Variants in RASL12 observed in about 807,000 individuals in gnomAD.
RASL12 encodes ras-like protein family member 12.
Under a neutral mutation model 22.9 loss-of-function variants are expected in RASL12, and 16 were observed. The ratio of observed to expected loss-of-function variants is 0.70; its 90% CI spans 0.47 to 1.06. The LOEUF (loss-of-function observed/expected upper bound fraction) is 1.06, where lower values mean the gene tolerates loss of function less well. RASL12 is among the 50% of genes least tolerant of loss of function. The pLI is 0.00. For synonymous variants in RASL12, 159 were observed against 152.2 expected (o/e 1.04, Z -0.33); for missense variants, 306 against 353.1 (o/e 0.87, Z 1.07).
At chr15:65,053,054 A>G, downstream of RASL12, 1 of 1,614,112 alleles carries the variant, frequency 6.2e-7, no homozygotes. Context: ...AAACAACCTA[A>G]GAGAAACTTT....
chr15:65,048,581 T>C (rs747419482), downstream of RASL12, among the ~76,000 whole-genome samples: 2 of 152,254 alleles, frequency 1.3e-5, no homozygotes, highest in African/African-American at 2.4e-5. Flanking sequence ...TGGTGCCCTA[T>C]GGCATGTTTT....
chr15:65,068,028 C>A (rs1019404278), upstream of RASL12: 31 of 1,124,174 alleles, frequency 2.8e-5, no homozygotes, highest in Non-Finnish European at 3.4e-5. This position sits in a 1 kb window ranked among gnomAD's most constrained non-coding sequence, Gnocchi z 4.2. Context: ...TGGAGCCTGG[C>A]GGGCGGGGCC....
intron 2 of RASL12, among the ~76,000 whole-genome samples, chr15:65,064,464 A>G (rs1211719171): frequency 6.6e-6 from 1 of 152,226 alleles, no homozygotes; most frequent in Non-Finnish European, 1.5e-5. Context: ...GATGAAAACA[A>G]CAGTTGTTTT....
At chr15:65,056,654 G>C (rs930462423) in intron 4 of RASL12, among the ~76,000 whole-genome samples, 2 of 152,096 alleles carry the variant, frequency 1.3e-5, no homozygotes, top group African/African-American at 4.8e-5. Flanking sequence ...TTGCATCCTA[G>C]GGAAAATTTT....
chr15:65,054,485 T>C lies in RASL12; in HGVS notation c.*414A>G, dbSNP rs2086699499. The C allele has an allele frequency of 3.3e-5, 33 of 999,552 alleles. No homozygotes were observed. Among genetic ancestry groups the C allele is most frequent in the Admixed American group, 5.7e-5 (1 of 17,494 alleles). 61.9% of individuals were successfully genotyped at this position (999,552 alleles called of 1,614,324 possible). On this transcript the variant is annotated 3_prime_UTR_variant, in exon 5 of 5. Transcript: ENST00000220062. ...GTGGCACAAGGACCCCAGGCTGTCA[T>C]TCCGCAGGCTGTTCTCGGGCCTGAC...
At chr15:65,066,940 T>C (rs1246445609) in intron 1 of RASL12, among the ~76,000 whole-genome samples, 1 of 152,180 alleles carries the variant, frequency 6.6e-6, no homozygotes, top group Non-Finnish European at 1.5e-5. Context: ...AGGAGTGGCA[T>C]AGTTCAGTGT....
chr15:65,066,616 T>C (rs2086882290), intron 1 of RASL12, among the ~76,000 whole-genome samples: 1 of 152,216 alleles, frequency 6.6e-6, no homozygotes, highest in Non-Finnish European at 1.5e-5. Context: ...TATTTTAAAA[T>C]TTAAATTCTT....
At chr15:65,069,516 A>C (rs569351629), upstream of RASL12, among the ~76,000 whole-genome samples, 2 of 152,244 alleles carry the variant, frequency 1.3e-5, no homozygotes, top group East Asian at 1.9e-4. Context: ...GCCCAACTGC[A>C]TGTAAACTTA....
At chr15:65,066,959 A>AT (rs2086885413) in intron 1 of RASL12, among the ~76,000 whole-genome samples, 2 of 152,320 alleles carry the variant, frequency 1.3e-5, no homozygotes, top group South Asian at 2.1e-4. Context: ...GTTGACACAA[A>AT]TTATCTCAAT....
chr15:65,063,815 G>C (rs1345687537), intron 2 of RASL12, among the ~76,000 whole-genome samples: 1 of 152,212 alleles, frequency 6.6e-6, no homozygotes, highest in Non-Finnish European at 1.5e-5. Context: ...CTGGACTCCA[G>C]CCTGAACTAA....
In RASL12 at chr15:65,073,224, G is replaced by A. The variant is rs150972015; in HGVS notation, c.70+3305C>T. On this transcript the variant is annotated intron_variant, in intron 1 of 4. Transcript: ENST00000434605. The stretch of plus-strand genomic sequence containing the variant: ...CAGACAGCGGAGGGGAGATGGTTTC[G>A]GAATTATTCAAGCGTATTACATTTA... Among the ~76,000 whole-genome samples, 32 of 152,194 alleles carry A rather than the reference G, an allele frequency of 2.1e-4. No homozygotes were observed. In the East Asian group the frequency reaches 2.5e-3, roughly 12 times the overall value.
chr15:65,062,382 C>T (rs1332291546), intron 2 of RASL12, among the ~76,000 whole-genome samples: 2 of 152,206 alleles, frequency 1.3e-5, no homozygotes, highest in African/African-American at 2.4e-5. Flanking sequence ...GCTCAGAGGG[C>T]CCCATGCCAC....
intron 1 of RASL12, among the ~76,000 whole-genome samples, chr15:65,066,354 A>T (rs2086879383): frequency 6.6e-6 from 1 of 152,120 alleles, no homozygotes; most frequent in African/African-American, 2.4e-5. Context: ...TGTTATCTCT[A>T]AAAAAATTGA....
In RASL12 at chr15:65,067,891, C is replaced by T; in HGVS notation, c.-56G>A. The T allele has an allele frequency of 7.2e-7, 1 of 1,379,612 alleles. No individual in the cohort carries two copies. Among genetic ancestry groups the T allele is most frequent in the Non-Finnish European group, 9.3e-7 (1 of 1,072,234 alleles). The allele number at this position is 1,379,612 out of a possible 1,614,324, so 85.5% of individuals were successfully genotyped here. A position where few individuals can be genotyped will look rare whatever the true frequency, so the allele number is the denominator to read the frequency against. ...CGGCCGGTGGGCCCCGCGCAGTGCGCCCGCCCGTCGGGGCCCAGGGGAGCG... is the reference window on the plus strand; with the variant it reads ...CGGCCGGTGGGCCCCGCGCAGTGCGTCCGCCCGTCGGGGCCCAGGGGAGCG... On this transcript the variant is annotated 5_prime_UTR_variant, in exon 1 of 5. Coordinates refer to ENST00000220062, the MANE Select transcript of RASL12 (RefSeq NM_016563.4).
In RASL12 at chr15:65,054,225, C is replaced by T. The variant is rs2086696227; in HGVS notation, c.*674G>A. 2.0e-6 allele frequency: 2 copies of T among 985,840 alleles called. No individual in the cohort carries two copies. Among genetic ancestry groups the T allele is most frequent in the Non-Finnish European group, 2.4e-6 (2 of 830,010 alleles). The allele number at this position is 985,840 out of a possible 1,614,324, so 61.1% of individuals were successfully genotyped here. A position where few individuals can be genotyped will look rare whatever the true frequency, so the allele number is the denominator to read the frequency against. ...GAGAATCTGTCTGCTGGTGAAAGAA[C>T]TCTGGGGCTCCTTATGCTGGACAAC... On this transcript the variant is annotated 3_prime_UTR_variant, in exon 5 of 5. Transcript: ENST00000220062.
Position 65,056,047 on chromosome 15 carries a change from T to C in RASL12, c.426-773A>G, listed in dbSNP as rs1566953076. On this transcript the variant is annotated intron_variant, in intron 4 of 4. Transcript: ENST00000220062. ...AACTTGGGAAGGTCCTGGAGGCTTC[T>C]GACCTGAAAGCCATGGGAATCGAGG... 2.0e-5 allele frequency among the ~76,000 whole-genome samples: 3 copies of C among 152,204 alleles called. No individual in the cohort carries two copies. The South Asian group carries it at 6.2e-4, about 32-fold the overall frequency.
downstream of RASL12, among the ~76,000 whole-genome samples, chr15:65,052,150 G>A (rs2086662031): frequency 6.6e-6 from 1 of 152,166 alleles, no homozygotes; most frequent in Non-Finnish European, 1.5e-5. Context: ...GGAGTGATGT[G>A]TACACGATGG....
In RASL12 at chr15:65,065,147, C is replaced by T. The variant is rs954500492; in HGVS notation, c.160+70G>A. 3.1e-5 allele frequency: 46 copies of T among 1,482,788 alleles called. No individual in the cohort carries two copies. In the African/African-American group the frequency reaches 3.3e-4, roughly 11 times the overall value. 91.9% of individuals were successfully genotyped at this position (1,482,788 alleles called of 1,614,324 possible). ...TGCAGTCCTGGTCAGTGCCCACCCA[C>T]GGGGTGGGTCCCAGGAGAGCACTCC... On this transcript the variant is annotated intron_variant, in intron 2 of 4. Coordinates refer to ENST00000220062, the MANE Select transcript of RASL12 (RefSeq NM_016563.4).
downstream of RASL12, chr15:65,051,730 T>C: frequency 2.6e-6 from 2 of 783,870 alleles, no homozygotes; most frequent in South Asian, 3.2e-5. Context: ...ACAGCAAAAT[T>C]CAGCCTTCAG....
Sources: gnomAD v4.1 joint callset for allele counts (sites outside exome capture counted in the v4.1 genomes callset) on GRCh38, gnomAD v4.1.1 for gene constraint, Gnocchi (gnomAD v3.1) non-coding constraint, MANE v1.5 for transcripts, NCBI Gene and HGNC (gene_info 2026-07-23, HGNC 2026-07-21) for gene names.